The following PTPRE variants were observed in gnomAD, a reference collection of about 807,000 sequenced individuals.
PTPRE encodes protein tyrosine phosphatase receptor type E, also known as receptor-type tyrosine-protein phosphatase epsilon.
Under a neutral mutation model 102.0 loss-of-function variants are expected in PTPRE, and 51 were observed. The ratio of observed to expected loss-of-function variants is 0.50; its 90% CI spans 0.40 to 0.63. PTPRE has a LOEUF of 0.63. Ranked by LOEUF, PTPRE falls within the 30% of genes least tolerant of loss-of-function variation. PTPRE has a pLI of 0.00. For missense variants in PTPRE, 752 were observed against 915.1 expected (o/e 0.82, Z 2.30); for synonymous variants, 345 against 348.2 (o/e 0.99, Z 0.10).
intron 1 of PTPRE, among the ~76,000 whole-genome samples, chr10:127,952,311 A>G (rs778394465): frequency 1.4e-4 from 21 of 152,076 alleles, no homozygotes; most frequent in Non-Finnish European, 2.4e-4. Flanking sequence ...TAGATAGCCA[A>G]TGCCTACTTG....
At chr10:128,036,598 T>G (rs772800501) in intron 2 of PTPRE, among the ~76,000 whole-genome samples, 1 of 152,072 alleles carries the variant, frequency 6.6e-6, no homozygotes, top group African/African-American at 2.4e-5. Context: ...TCTCAGCTAA[T>G]GAATGATGCT....
chr10:127,974,880 A>T, intron 1 of PTPRE, among the ~76,000 whole-genome samples: 1 of 151,970 alleles, frequency 6.6e-6, no homozygotes, highest in African/African-American at 2.4e-5. Flanking sequence ...TAAAATGTGG[A>T]TCATACCTCC....
intron 20 of PTPRE, among the ~76,000 whole-genome samples, chr10:128,082,537 A>T (rs1429343779): frequency 6.8e-5 from 10 of 147,516 alleles, no homozygotes; most frequent in East Asian, 3.9e-4. Context: ...TTTTTTTTTT[A>T]AATTCAAAAA....
chr10:128,046,702 C>G (rs574639841), intron 3 of PTPRE, among the ~76,000 whole-genome samples: 1 of 152,242 alleles, frequency 6.6e-6, no homozygotes, highest in Admixed American at 6.5e-5. Context: ...GCGAGGCCAC[C>G]AGTGTCCCTT....
chr10:127,961,917 G>A (rs1376369138), intron 1 of PTPRE, among the ~76,000 whole-genome samples: 4 of 152,178 alleles, frequency 2.6e-5, no homozygotes, highest in African/African-American at 9.7e-5. Context: ...AGATGAGTGA[G>A]TGAAAGAATA....
At chr10:128,036,285 C>T (rs888409062) in intron 2 of PTPRE, among the ~76,000 whole-genome samples, 1 of 152,004 alleles carries the variant, frequency 6.6e-6, no homozygotes, top group Non-Finnish European at 1.5e-5. Flanking sequence ...GGAGTGCCTC[C>T]CCCACACGCT....
chr10:127,951,155 T>C (rs1391319809), intron 1 of PTPRE, among the ~76,000 whole-genome samples: 1 of 152,130 alleles, frequency 6.6e-6, no homozygotes. Context: ...TGTATAAGCA[T>C]AAAACTTTCA....
intron 2 of PTPRE, among the ~76,000 whole-genome samples, chr10:128,016,066 G>A (rs1359627894): frequency 6.6e-6 from 1 of 152,056 alleles, no homozygotes. Flanking sequence ...TTGCAGGAGG[G>A]GACTTTTTGG....
intron 1 of PTPRE, among the ~76,000 whole-genome samples, chr10:127,958,238 G>A (rs1377700898): frequency 1.3e-5 from 2 of 152,134 alleles, no homozygotes; most frequent in Admixed American, 1.3e-4. Flanking sequence ...ATATCAGAAA[G>A]GAGTGTCAAG....
At chr10:127,915,211 CA>C (rs1429681580) in intron 1 of PTPRE, among the ~76,000 whole-genome samples, 1 of 152,056 alleles carries the variant, frequency 6.6e-6, no homozygotes, top group Non-Finnish European at 1.5e-5. Flanking sequence ...GTCTACTTAT[CA>C]AAAAAAGAAA....
At chr10:128,006,800 T>C (rs1290593932) in intron 2 of PTPRE, among the ~76,000 whole-genome samples, 3 of 152,192 alleles carry the variant, frequency 2.0e-5, no homozygotes, top group African/African-American at 7.2e-5. Context: ...AAAAGACTCT[T>C]TTATACCAGA....
chr10:127,990,667 C>T (rs1852554369), intron 2 of PTPRE, among the ~76,000 whole-genome samples: 1 of 152,142 alleles, frequency 6.6e-6, no homozygotes, highest in Non-Finnish European at 1.5e-5. Context: ...GCACTCATCC[C>T]CTTGTCTTGC....
intron 1 of PTPRE, among the ~76,000 whole-genome samples, chr10:127,927,385 C>A (rs1652806490): frequency 6.6e-6 from 1 of 152,158 alleles, no homozygotes; most frequent in Admixed American, 6.5e-5. Flanking sequence ...CAAGACACTC[C>A]GCATGAGAGG....
rs188198783 is a variant in PTPRE, at chr10:128,068,304, C to T, written c.1007+18C>T. The T allele has an allele frequency of 7.5e-6, 12 of 1,600,574 alleles. No homozygotes were observed. The highest frequency in any genetic ancestry group is 1.7e-4 in the Middle Eastern group (1 of 5,986). ...CACTGTAGGTACGCTGTGGGGGCCA[C>T]GGGGCGGGACCCTCAAGGGCAGGCC... On this transcript the variant is annotated intron_variant, in intron 12 of 20. Coordinates refer to ENST00000254667, the MANE Select transcript of PTPRE (RefSeq NM_006504.6).
intron 17 of PTPRE, 126 bp from the exon 18 acceptor site, chr10:128,076,477 T>G: frequency 1.1e-6 from 1 of 894,064 alleles, no homozygotes; most frequent in Non-Finnish European, 1.6e-6. Context: ...TTCATATTCA[T>G]ATGTTTTTTT....
intron 1 of PTPRE, among the ~76,000 whole-genome samples, chr10:127,941,059 T>G (rs1848210593): frequency 6.6e-6 from 1 of 152,106 alleles, no homozygotes; most frequent in Non-Finnish European, 1.5e-5. Flanking sequence ...GTCCCAGATG[T>G]ACTGTGTCCT....
intron 1 of PTPRE, among the ~76,000 whole-genome samples, chr10:127,919,489 T>C (rs1002700575): frequency 6.6e-6 from 1 of 152,250 alleles, no homozygotes; most frequent in African/African-American, 2.4e-5. Context: ...TGTTCTGTTC[T>C]GTGCTGCCTC....
At chr10:128,071,155 G>C in intron 15 of PTPRE, 1 of 505,260 alleles carries the variant, frequency 2.0e-6, no homozygotes, top group East Asian at 3.2e-5. Context: ...TTGCAGATGC[G>C]GGAGGGCAGC....
chr10:127,993,183 C>G (rs1852863607), intron 2 of PTPRE, among the ~76,000 whole-genome samples: 1 of 152,178 alleles, frequency 6.6e-6, no homozygotes, highest in South Asian at 2.1e-4. Context: ...GGCTCCTCTT[C>G]TAAGTTTCTT....
Sources: allele counts gnomAD v4.1 joint callset (sites outside exome capture counted in the v4.1 genomes callset), GRCh38; gene constraint gnomAD v4.1.1; transcripts MANE v1.5; gene names NCBI Gene and HGNC (gene_info 2026-07-23, HGNC 2026-07-21).